The following IMMP1L variants were observed in gnomAD, a reference collection of about 807,000 sequenced individuals.
The protein encoded by IMMP1L is mitochondrial inner membrane protease subunit 1.
Under a neutral mutation model 21.8 loss-of-function variants are expected in IMMP1L, and 24 were observed. That is an observed-to-expected ratio of 1.10 (90% confidence interval 0.80 to 1.55). The LOEUF is 1.55. Ranked by LOEUF, IMMP1L falls within the 40% of genes most tolerant of loss-of-function variation. IMMP1L has a pLI of 0.00. For missense variants in IMMP1L, 195 were observed against 200.7 expected (o/e 0.97, Z 0.17); for synonymous variants, 46 against 62.8 (o/e 0.73, Z 1.26).
intron 1 of IMMP1L, among the ~76,000 whole-genome samples, chr11:31,466,981 T>C (rs1954378642): frequency 6.6e-6 from 1 of 152,148 alleles, no homozygotes; most frequent in Admixed American, 6.6e-5. Context: ...ATTTGATCAT[T>C]ATATACTGTA....
At position 31,495,898 on chromosome 11, in the gene IMMP1L, T is replaced by TA. The variant is rs1955415840; in HGVS notation, c.-30+13620dup. Among the ~76,000 whole-genome samples the TA allele has an allele frequency of 3.3e-5, 5 of 152,150 alleles. No homozygotes were observed. In the South Asian group the frequency reaches 1.0e-3, roughly 32 times the overall value. On this transcript the variant is annotated intron_variant, in intron 1 of 5. Transcript: ENST00000532287. ...AGATCAAAAACCTAAATGGAAGAGC[T>TA]AAAACTACACAACTCTTGATTGGCC...
chr11:31,493,421 G>A (rs751256336), intron 1 of IMMP1L, among the ~76,000 whole-genome samples: 15 of 145,466 alleles, frequency 1.0e-4, no homozygotes, highest in African/African-American at 3.2e-4. Context: ...ACCCACCCCC[G>A]CCATGATTCA....
chr11:31,486,763 C>T lies in IMMP1L; in HGVS notation c.-30+22756G>A, dbSNP rs182859240. The stretch of plus-strand genomic sequence containing the variant: ...AACAAAAATGAATGAAATAAAACTA[C>T]ACATAACTACATGGATAACTCTTCA... On this transcript the variant is annotated intron_variant, in intron 1 of 5. Transcript: ENST00000532287. Among the ~76,000 whole-genome samples the T allele has an allele frequency of 5.9e-5, 9 of 151,902 alleles. No homozygotes were observed. The South Asian group carries it at 1.5e-3, about 25-fold the overall frequency.
chr11:31,496,736 T>C (rs1001375398), intron 1 of IMMP1L, among the ~76,000 whole-genome samples: 7 of 149,048 alleles, frequency 4.7e-5, no homozygotes, highest in Admixed American at 6.7e-5. Flanking sequence ...CTAAATGATG[T>C]TAATATGTTA....
rs536019074 is a variant in IMMP1L at position 31,477,975 on chromosome 11, C to T, written c.-29-14670G>A. On this transcript the variant is annotated intron_variant, in intron 1 of 5. Transcript: ENST00000532287. ...CCAAAAAGGCAGCAGATTCTGCTGT[C>T]TATCTCTGCTAGTATCTGGGGAATA... 2.0e-5 allele frequency among the ~76,000 whole-genome samples: 3 copies of T among 152,334 alleles called. No individual in the cohort carries two copies. The East Asian group carries it at 5.8e-4, about 29-fold the overall frequency.
intron 2 of IMMP1L, among the ~76,000 whole-genome samples, chr11:31,462,456 A>C (rs1954184224): frequency 6.6e-6 from 1 of 152,130 alleles, no homozygotes; most frequent in Non-Finnish European, 1.5e-5. Context: ...ACAATAAAAA[A>C]AATTGACTGG....
intron 4 of IMMP1L, among the ~76,000 whole-genome samples, chr11:31,435,333 A>G (rs1953082586): frequency 6.6e-6 from 1 of 152,154 alleles, no homozygotes; most frequent in African/African-American, 2.4e-5. Flanking sequence ...CTTAACACAC[A>G]AAGTCAGCCT....
At chr11:31,481,921 A>G (rs1954904057) in intron 1 of IMMP1L, among the ~76,000 whole-genome samples, 1 of 152,092 alleles carries the variant, frequency 6.6e-6, no homozygotes, top group Non-Finnish European at 1.5e-5. Context: ...TGTGTATTTC[A>G]TGAATAAACT....
chr11:31,433,454 T>C lies in IMMP1L; in HGVS notation c.432+6A>G. 2 of 1,485,868 alleles carry C rather than the reference T, an allele frequency of 1.3e-6. No individual in the cohort carries two copies. Among genetic ancestry groups the C allele is most frequent in the Non-Finnish European group, 1.8e-6 (2 of 1,084,096 alleles). 92.0% of individuals were successfully genotyped at this position (1,485,868 alleles called of 1,614,324 possible). A position where few individuals can be genotyped will look rare whatever the true frequency, so the allele number is the denominator to read the frequency against. On this transcript the variant is annotated splice_donor_region_variant and intron_variant, in intron 5 of 5. Transcript: ENST00000532287. ...TAAACCTTACATTTTAAGCAGAAAATGGTACCTTAAAGAAGATTCGTCCTC... is the reference window on the plus strand; with the variant it reads ...TAAACCTTACATTTTAAGCAGAAAACGGTACCTTAAAGAAGATTCGTCCTC...
At chr11:31,440,633 T>TG (rs1953292119) in intron 4 of IMMP1L, among the ~76,000 whole-genome samples, 1 of 152,174 alleles carries the variant, frequency 6.6e-6, no homozygotes, top group Admixed American at 6.5e-5. Flanking sequence ...TCAAGTGATC[T>TG]GCCCGCCTCG....
intron 1 of IMMP1L, among the ~76,000 whole-genome samples, chr11:31,508,084 A>G (rs1955839678): frequency 6.6e-6 from 1 of 152,166 alleles, no homozygotes; most frequent in Non-Finnish European, 1.5e-5. Context: ...TGGTGGGTTG[A>G]TCTGTGCAGC....
At chr11:31,450,706 T>C (rs1452430759) in intron 4 of IMMP1L, among the ~76,000 whole-genome samples, 6 of 152,142 alleles carry the variant, frequency 3.9e-5, no homozygotes, top group Admixed American at 2.6e-4. Context: ...AGCAGCGTGG[T>C]AGGCTCCATG....
chr11:31,452,275 G>T, intron 4 of IMMP1L: 2 of 983,494 alleles, frequency 2.0e-6, no homozygotes, highest in Non-Finnish European at 2.4e-6. Flanking sequence ...TTATCCCATG[G>T]ATTAAAAGCA....
chr11:31,483,728 C>T (rs1481586857), intron 1 of IMMP1L, among the ~76,000 whole-genome samples: 5 of 151,848 alleles, frequency 3.3e-5, no homozygotes, highest in Non-Finnish European at 5.9e-5. Flanking sequence ...ATTTCATAAG[C>T]GTTAGTTTGT....
chr11:31,433,531 G>A lies in IMMP1L; in HGVS notation c.361C>T (p.Gln121Ter). The A allele has an allele frequency of 6.2e-7, 1 of 1,611,804 alleles. No individual in the cohort carries two copies. Among genetic ancestry groups the A allele is most frequent in the Non-Finnish European group, 8.5e-7 (1 of 1,178,692 alleles). Reference protein sequence around the residue: ...GHVWLEGDNLQNSTDSRCYGP... With the variant: ...GHVWLEGDNL ...TAGCACCTGGAATCTGTAGAATTCT[G>A]TAGATTGTCACCTTCTAACCAAACA... The change falls in exon 5 of 6, where the codon CAG becomes TAG. Residue 121 changes from glutamine to a stop codon, truncating the protein, a stop_gained. Coordinates refer to ENST00000532287, the MANE Select transcript of IMMP1L (RefSeq NM_001304274.2). LOFTEE classifies it high-confidence loss of function.
intron 3 of IMMP1L, among the ~76,000 whole-genome samples, chr11:31,456,930 GA>G (rs1291173286): frequency 1.3e-4 from 3 of 22,952 alleles, no homozygotes; most frequent in Non-Finnish European, 1.9e-4. Context: ...AACAAACCAA[GA>G]AAAACCCCAA....
chr11:31,452,410 A>T (rs1953787051), intron 4 of IMMP1L: 1 of 985,262 alleles, frequency 1.0e-6, no homozygotes, highest in Non-Finnish European at 1.2e-6. Flanking sequence ...TCCCTAAGGG[A>T]ATTAAATAGA....
intron 4 of IMMP1L, among the ~76,000 whole-genome samples, chr11:31,455,656 TTGTC>T (rs1293513156): frequency 1.3e-5 from 2 of 152,204 alleles, no homozygotes; most frequent in African/African-American, 2.4e-5. Context: ...CATGTCTCCT[TTGTC>T]TGTTCCAATC....
chr11:31,433,309 T>C, intron 5 of IMMP1L, 151 bp downstream of exon 5: 1 of 511,096 alleles, frequency 2.0e-6, no homozygotes, highest in Non-Finnish European at 3.4e-6. Flanking sequence ...TAGGTTTGCA[T>C]ATGGCTATTA....
Sources: allele counts gnomAD v4.1 joint callset (sites outside exome capture counted in the v4.1 genomes callset), GRCh38; gene constraint gnomAD v4.1.1; transcripts MANE v1.5; gene names NCBI Gene and HGNC (gene_info 2026-07-23, HGNC 2026-07-21).